KIR2DL3: variants seen among roughly 807,000 people sequenced by gnomAD.
KIR2DL3 encodes killer cell immunoglobulin-like receptor 2DL3.
KIR2DL3 carries 39 observed loss-of-function variants against 33.8 expected under a neutral mutation model. The observed-to-expected ratio is 1.15, with a 90% confidence interval of 0.89 to 1.51. KIR2DL3 has a LOEUF of 1.51. Ranked by LOEUF, KIR2DL3 falls within the 40% of genes most tolerant of loss-of-function variation. The pLI, the probability that KIR2DL3 is intolerant of heterozygous loss-of-function variation, is 0.00. For missense variants in KIR2DL3, 462 were observed against 426.2 expected (o/e 1.08, Z -0.74); for synonymous variants, 174 against 160.2 (o/e 1.09, Z -0.65).
intron 2 of KIR2DL3, among the ~76,000 whole-genome samples, 169 bp from the exon 3 acceptor site, chr19:54,741,811 G>T (rs2071173973): frequency 6.6e-6 from 1 of 151,876 alleles, no homozygotes; most frequent in South Asian, 2.1e-4. Flanking sequence ...GAGGGAGGGA[G>T]ACAGATGGAA....
At chr19:54,744,897 T>TATATATATATATAC (rs1555906428) in intron 4 of KIR2DL3, among the ~76,000 whole-genome samples, 2 of 57,488 alleles carry the variant, frequency 3.5e-5, no homozygotes, top group Non-Finnish European at 7.1e-5. Context: ...TATATATATA[T>TATATATATATATAC]ACACACACAC....
chr19:54,743,986 G>A lies in KIR2DL3; in HGVS notation c.562G>A (p.Gly188Ser), dbSNP rs1238947200. The change falls in exon 4 of 8, where the codon GGC becomes AGC. Residue 188 changes from glycine (G) to serine (S), a missense_variant. By Grantham distance (56) the Gly-to-Ser change is moderately conservative. Coordinates refer to ENST00000342376, the MANE Select transcript of KIR2DL3 (RefSeq NM_015868.3). ...AACATTCCAGGCCGACTTTCCTCTG[G>A]GCCCTGCCACCCACGGAGGAACCTA... ...NGTFQADFPL[G>S]PATHGGTYRC... 2 of 1,614,084 alleles carry A rather than the reference G, an allele frequency of 1.2e-6. No individual in the cohort carries two copies. The highest frequency in any genetic ancestry group is 2.7e-5 in the African/African-American group (2 of 74,920).
At chr19:54,744,204 T>G (rs1291592226) in intron 4 of KIR2DL3, 116 bp downstream of exon 4, 2 of 1,495,866 alleles carry the variant, frequency 1.3e-6, no homozygotes, top group Non-Finnish European at 1.8e-6. Flanking sequence ...GAAGCTTGGG[T>G]GTGAGGGAGG....
chr19:54,744,252 C>A (rs2071816826), intron 4 of KIR2DL3, among the ~76,000 whole-genome samples, 164 bp downstream of exon 4: 1 of 152,176 alleles, frequency 6.6e-6, no homozygotes, highest in African/African-American at 2.4e-5. Context: ...CACCTCCAAA[C>A]CCTCCTACAC....
At chr19:54,746,886 G>A (rs1334528062) in intron 4 of KIR2DL3, among the ~76,000 whole-genome samples, 1 of 147,668 alleles carries the variant, frequency 6.8e-6, no homozygotes, top group Admixed American at 7.0e-5. Flanking sequence ...GGAGTTTGAG[G>A]CCAGAGAATT....
chr19:54,743,178 T>G (rs1465972677), intron 3 of KIR2DL3, among the ~76,000 whole-genome samples: 16 of 151,830 alleles, frequency 1.1e-4, no homozygotes, highest in South Asian at 2.1e-4. Context: ...AGATGATAAA[T>G]AGGTAGATGA....
chr19:54,739,975 A>G (rs1361480018), intron 2 of KIR2DL3, among the ~76,000 whole-genome samples: 2 of 150,216 alleles, frequency 1.3e-5, no homozygotes, highest in Admixed American at 1.3e-4. Context: ...ATATCCATTC[A>G]CAAAGGACAT....
chr19:54,746,485 C>T (rs1205752311), intron 4 of KIR2DL3, among the ~76,000 whole-genome samples: 2 of 148,240 alleles, frequency 1.3e-5, no homozygotes, highest in Non-Finnish European at 3.0e-5. Flanking sequence ...TGTCCTGGAG[C>T]ATTTCCCCAA....
chr19:54,741,829 C>T lies in KIR2DL3; in HGVS notation c.71-151C>T, dbSNP rs1194299945. 3.0e-3 allele frequency: 3,524 copies of T among 1,155,862 alleles called. 101 individuals carry two copies. The African/African-American group carries it at 0.049, about 16-fold the overall frequency. The allele number at this position is 1,155,862 out of a possible 1,614,324, so 71.6% of individuals were successfully genotyped here. The stretch of plus-strand genomic sequence containing the variant: ...GGAGGGAGACAGATGGAAGGACCTG[C>T]ACCAGGAGTTAAGGGCACAGAAAAG... On this transcript the variant is annotated intron_variant, in intron 2 of 7. Transcript: ENST00000342376.
At position 54,742,197 on chromosome 19, in the gene KIR2DL3, G is replaced by T. The variant is rs1318269973; in HGVS notation, c.288G>T (p.Gly96=). The T allele has an allele frequency of 6.2e-7, 1 of 1,613,968 alleles. No homozygotes were observed. Among genetic ancestry groups the T allele is most frequent in the South Asian group, 1.1e-5 (1 of 91,082 alleles). The part of the protein sequence containing the change: ...SIGPMMQDLA[G]TYRCYGSVTH... ...GTCCCATGATGCAAGACCTTGCAGG[G>T]ACCTACAGATGCTACGGTTCTGTTA... Residue 96 remains glycine, a synonymous_variant, in exon 3 of 8, where the codon GGG becomes GGT. Coordinates refer to ENST00000342376, the MANE Select transcript of KIR2DL3 (RefSeq NM_015868.3).
In KIR2DL3 at chr19:54,750,726, T is replaced by C. The variant is rs2073293599; in HGVS notation, c.716-923T>C. ...GAGACAGAACACACAGAGAATACATTACACAGGCAGGTTCATTACTAACAG... is the reference window on the plus strand; with the variant it reads ...GAGACAGAACACACAGAGAATACATCACACAGGCAGGTTCATTACTAACAG... On this transcript the variant is annotated intron_variant, in intron 5 of 7. Transcript: ENST00000342376. Among the ~76,000 whole-genome samples the C allele has an allele frequency of 2.9e-5, 4 of 138,898 alleles. 1 individual carries two copies. Among genetic ancestry groups the C allele is most frequent in the African/African-American group, 5.4e-5 (2 of 37,004 alleles). 91.1% of individuals were successfully genotyped at this position (138,898 alleles called of 152,430 possible).
chr19:54,743,839 G>A lies in KIR2DL3; in HGVS notation c.415G>A (p.Val139Ile). ...PSLSAQPGPT[V>I]LAGESVTLSC... ...TCTCTCAGCCCAGCCGGGCCCCACG[G>A]TTCTGGCAGGAGAGAGCGTGACCTT... Residue 139 changes from valine (V) to isoleucine (I), a missense_variant, in exon 4 of 8, where the codon GTT becomes ATT. By Grantham distance (29) the Val-to-Ile change is conservative. Coordinates refer to ENST00000342376, the MANE Select transcript of KIR2DL3 (RefSeq NM_015868.3). The A allele has an allele frequency of 2.5e-6, 4 of 1,612,882 alleles. No homozygotes were observed. Among genetic ancestry groups the A allele is most frequent in the Admixed American group, 1.7e-5 (1 of 59,906 alleles).
chr19:54,747,488 C>T (rs2072731222), intron 5 of KIR2DL3, 103 bp downstream of exon 5: 11 of 1,416,526 alleles, frequency 7.8e-6, no homozygotes, highest in Admixed American at 5.0e-5. Flanking sequence ...CATTGTACGC[C>T]TGTCTTCTAC....
At chr19:54,749,362 C>T (rs2073085667) in intron 5 of KIR2DL3, among the ~76,000 whole-genome samples, 2 of 139,372 alleles carry the variant, frequency 1.4e-5, no homozygotes, top group African/African-American at 5.3e-5. Flanking sequence ...AGGCAATTGC[C>T]ACCCCACTGG....
intron 1 of KIR2DL3, among the ~76,000 whole-genome samples, chr19:54,738,844 G>A (rs1237274446): frequency 1.3e-5 from 2 of 149,580 alleles, no homozygotes; most frequent in Non-Finnish European, 3.0e-5. Flanking sequence ...ATGGAGATAT[G>A]GGCCTGCAGT....
In KIR2DL3 at chr19:54,751,965, C is replaced by G. The variant is rs1333305749; in HGVS notation, c.820+212C>G. On this transcript the variant is annotated intron_variant, in intron 6 of 7. Transcript: ENST00000342376. ...ATTCTGAACTGTATCCTCATGTCCC[C>G]TGCAGCCACTCACATCCAGGAGAAG... Among the ~76,000 whole-genome samples, 3 of 134,280 alleles carry G rather than the reference C, an allele frequency of 2.2e-5. 1 individual carries two copies. The highest frequency in any genetic ancestry group is 8.4e-5 in the African/African-American group (3 of 35,824). The allele number at this position is 134,280 out of a possible 152,430, so 88.1% of individuals were successfully genotyped here.
chr19:54,742,744 A>G (rs1251275397), intron 3 of KIR2DL3, among the ~76,000 whole-genome samples: 36 of 151,268 alleles, frequency 2.4e-4, no homozygotes, highest in Non-Finnish European at 3.8e-4. Context: ...CCTTCCATGT[A>G]ATGGAGAGTA....
chr19:54,751,528 A>G, intron 5 of KIR2DL3, 121 bp from the exon 6 acceptor site: 1 of 860,238 alleles, frequency 1.2e-6, no homozygotes, highest in Non-Finnish European at 1.8e-6. Context: ...GTCTCCCTCC[A>G]TCTGGGTGCT....
chr19:54,746,027 G>A (rs1342798125), intron 4 of KIR2DL3, among the ~76,000 whole-genome samples: 1 of 130,702 alleles, frequency 7.7e-6, no homozygotes, highest in East Asian at 2.0e-4. Context: ...GGGTCAGACT[G>A]GTCTCAAACT....
Sources: gnomAD v4.1 joint callset for allele counts (sites outside exome capture counted in the v4.1 genomes callset) on GRCh38, gnomAD v4.1.1 for gene constraint, MANE v1.5 for transcripts, NCBI Gene and HGNC (gene_info 2026-07-23, HGNC 2026-07-21) for gene names.